SNX7: variants seen among roughly 807,000 people sequenced by gnomAD.
SNX7 encodes the protein sorting nexin-7.
A neutral mutation model predicts 48.4 loss-of-function variants in SNX7; 35 were observed. The ratio of observed to expected loss-of-function variants is 0.72; its 90% confidence interval spans 0.55 to 0.96. The LOEUF is 0.96. Ranked by LOEUF, SNX7 falls within the 40% of genes least tolerant of loss-of-function variation. SNX7 has a pLI of 0.00. For synonymous variants in SNX7, 190 were observed against 190.2 expected (o/e 1.00, Z 0.01); for missense variants, 553 against 548.9 (o/e 1.01, Z -0.07).
chr1:98,720,878 T>C (rs1652831979), intron 7 of SNX7, among the ~76,000 whole-genome samples: 2 of 152,070 alleles, frequency 1.3e-5, no homozygotes, highest in African/African-American at 4.8e-5. Context: ...ATGGAAGTTT[T>C]AGCTTTGGTA....
In SNX7 at chr1:98,738,188, A is replaced by G. The variant is rs1370722104; in HGVS notation, c.1126-49A>G. ...AACTTAAATTTGATGAATTCACCTG[A>G]TGGAAAGAATTCATAGATCAATGTA... On this transcript the variant is annotated intron_variant, in intron 7 of 8. Transcript: ENST00000306121. The G allele has an allele frequency of 4.4e-6, 7 of 1,579,580 alleles. No homozygotes were observed. In the Admixed American group the frequency reaches 1.1e-4, roughly 24 times the overall value.
chr1:98,711,225 C>T (rs1466859922), intron 7 of SNX7, among the ~76,000 whole-genome samples: 5 of 152,146 alleles, frequency 3.3e-5, no homozygotes, highest in African/African-American at 9.6e-5. Context: ...CCATGTTGGC[C>T]GGGCTGGATC....
chr1:98,714,108 G>A (rs1209698793), intron 7 of SNX7, among the ~76,000 whole-genome samples: 1 of 152,180 alleles, frequency 6.6e-6, no homozygotes, highest in South Asian at 2.1e-4. Flanking sequence ...GTAGACTTTG[G>A]AGAGTAAGCC....
chr1:98,676,027 C>A (rs539076858), intron 1 of SNX7, among the ~76,000 whole-genome samples: 59 of 151,796 alleles, frequency 3.9e-4, no homozygotes, highest in African/African-American at 1.4e-3. Flanking sequence ...TAAAGAAAAT[C>A]ACATAGAAAA....
intron 8 of SNX7, among the ~76,000 whole-genome samples, chr1:98,752,229 C>CTATAT (rs1274330327): frequency 4.6e-5 from 7 of 151,888 alleles, no homozygotes; most frequent in Non-Finnish European, 8.8e-5. Flanking sequence ...ATGGTATAAA[C>CTATAT]AATATATTTC....
intron 1 of SNX7, among the ~76,000 whole-genome samples, chr1:98,684,083 T>C (rs1384457626): frequency 2.0e-5 from 3 of 152,182 alleles, no homozygotes; most frequent in African/African-American, 7.2e-5. Flanking sequence ...TCTTGGTGCC[T>C]CCAATTCTTG....
intron 7 of SNX7, among the ~76,000 whole-genome samples, chr1:98,731,669 CTGT>C (rs1653521609): frequency 6.6e-6 from 1 of 152,062 alleles, no homozygotes; most frequent in African/African-American, 2.4e-5. Flanking sequence ...GTGGTGTAGC[CTGT>C]TGTTCCTGAG....
At chr1:98,707,240 G>C (rs1437968085) in intron 7 of SNX7, among the ~76,000 whole-genome samples, 1 of 152,138 alleles carries the variant, frequency 6.6e-6, no homozygotes. Context: ...AAACGGATCT[G>C]ATTAGGGTCA....
At chr1:98,679,134 G>C (rs1033874423) in intron 1 of SNX7, among the ~76,000 whole-genome samples, 1 of 152,164 alleles carries the variant, frequency 6.6e-6, no homozygotes, top group African/African-American at 2.4e-5. Flanking sequence ...CTGCATGGCT[G>C]GGGGAGCCTC....
intron 6 of SNX7, 111 bp downstream of exon 6, chr1:98,699,016 T>G: frequency 1.1e-6 from 1 of 910,902 alleles, no homozygotes. Context: ...CCTAGCAGGT[T>G]GTTTTGCATG....
chr1:98,732,506 G>C (rs755834863), intron 7 of SNX7, among the ~76,000 whole-genome samples: 24 of 152,104 alleles, frequency 1.6e-4, no homozygotes, highest in Non-Finnish European at 2.9e-4. Context: ...ATAGAGTAGC[G>C]ACCTGTGGAG....
At chr1:98,694,323 T>C (rs2100961076) in intron 4 of SNX7, among the ~76,000 whole-genome samples, 1 of 151,134 alleles carries the variant, frequency 6.6e-6, no homozygotes, top group South Asian at 2.1e-4. Flanking sequence ...TGAGCCAGGA[T>C]TGTGCCACTG....
In SNX7 at chr1:98,722,681, A is replaced by ATT. The variant is rs1570571066; in HGVS notation, c.1126-15556_1126-15555insTT. On this transcript the variant is annotated intron_variant, in intron 7 of 8. Transcript: ENST00000306121. Reference sequence around the variant, plus strand: ...AGGAAATAATAGATAAGCCATTTAAAAAGGAAAACAATGATGATATTTTTA... The same window carrying ATT: ...AGGAAATAATAGATAAGCCATTTAAATTAAGGAAAACAATGATGATATTTTTA... Among the ~76,000 whole-genome samples, 13 of 152,248 alleles carry ATT rather than the reference A, an allele frequency of 8.5e-5. No individual in the cohort carries two copies. The East Asian group carries it at 2.3e-3, about 27-fold the overall frequency.
intron 8 of SNX7, among the ~76,000 whole-genome samples, chr1:98,744,246 T>A (rs1310424401): frequency 6.6e-6 from 1 of 152,008 alleles, no homozygotes; most frequent in African/African-American, 2.4e-5. Flanking sequence ...AGTTATACTT[T>A]CTCAAAATCA....
intron 8 of SNX7, among the ~76,000 whole-genome samples, chr1:98,753,580 G>C (rs1654691130): frequency 6.6e-6 from 1 of 152,078 alleles, no homozygotes; most frequent in Non-Finnish European, 1.5e-5. Flanking sequence ...AGAATGTTCA[G>C]AAGTTTATTT....
intron 8 of SNX7, among the ~76,000 whole-genome samples, chr1:98,741,849 A>G (rs1465125798): frequency 6.6e-6 from 1 of 152,120 alleles, no homozygotes; most frequent in Non-Finnish European, 1.5e-5. Context: ...TTCCTGGCTG[A>G]TCTTATGAAC....
intron 8 of SNX7, among the ~76,000 whole-genome samples, chr1:98,741,860 T>G (rs895025181): frequency 1.3e-5 from 2 of 152,172 alleles, no homozygotes; most frequent in South Asian, 4.1e-4. Context: ...TCTTATGAAC[T>G]GGAAGAGCAC....
chr1:98,688,539 T>C (rs904693190), intron 2 of SNX7, among the ~76,000 whole-genome samples: 2 of 152,198 alleles, frequency 1.3e-5, no homozygotes, highest in Non-Finnish European at 2.9e-5. Flanking sequence ...GTATTCTTGA[T>C]TGGCTGAACT....
At chr1:98,741,845 G>T (rs2101040253) in intron 8 of SNX7, among the ~76,000 whole-genome samples, 1 of 152,156 alleles carries the variant, frequency 6.6e-6, no homozygotes, top group African/African-American at 2.4e-5. Context: ...GTGATTCCTG[G>T]CTGATCTTAT....
Sources: gnomAD v4.1 joint callset for allele counts (sites outside exome capture counted in the v4.1 genomes callset) on GRCh38, gnomAD v4.1.1 for gene constraint, MANE v1.5 for transcripts, NCBI Gene and HGNC (gene_info 2026-07-23, HGNC 2026-07-21) for gene names.